Variants in CLCN3 observed in about 807,000 individuals in gnomAD.
CLCN3 encodes the protein Cl-/H+ antiporter 3, also known as H(+)/Cl(-) exchange transporter 3.
CLCN3 carries 16 observed loss-of-function variants against 83.4 expected under a neutral mutation model. The ratio of observed to expected loss-of-function variants is 0.19; its 90% CI spans 0.13 to 0.29. The LOEUF is 0.29. Among genes scored for constraint, CLCN3 ranks in the 10% least tolerant of loss-of-function variants. The pLI is 1.00. For missense variants in CLCN3, 544 were observed against 1,006.0 expected (o/e 0.54, Z 6.21); for synonymous variants, 322 against 346.2 (o/e 0.93, Z 0.78).
At chr4:169,668,030 C>T (rs867055973) in intron 2 of CLCN3, among the ~76,000 whole-genome samples, 33 of 148,308 alleles carry the variant, frequency 2.2e-4, no homozygotes, top group South Asian at 1.1e-3. Context: ...TGAGCCACCG[C>T]GCCCGGCCAG....
At chr4:169,708,961 C>T (rs1211938404) in intron 11 of CLCN3, among the ~76,000 whole-genome samples, 5 of 147,878 alleles carry the variant, frequency 3.4e-5, no homozygotes, top group East Asian at 1.9e-4. Flanking sequence ...TTTAAAATTA[C>T]ATATATATGT....
At chr4:169,683,276 C>G (rs1208683924) in intron 3 of CLCN3, among the ~76,000 whole-genome samples, 3 of 152,088 alleles carry the variant, frequency 2.0e-5, no homozygotes, top group African/African-American at 4.8e-5. Flanking sequence ...GGCAGAGGAT[C>G]GCTGGATCCC....
At chr4:169,686,180 G>A (rs1181020555) in intron 3 of CLCN3, among the ~76,000 whole-genome samples, 3 of 152,034 alleles carry the variant, frequency 2.0e-5, no homozygotes, top group Admixed American at 6.6e-5. Context: ...TTGTGGGGTC[G>A]GGGAGTGGGG....
At position 169,682,633 on chromosome 4, in the gene CLCN3, A is replaced by G. The variant is rs1308763385; in HGVS notation, c.318+2426A>G. ...TGTAGTTATGCATAGTTCCTTATGC[A>G]TGGTTCTTATTTCATCACACAAAAT... On this transcript the variant is annotated intron_variant, in intron 3 of 12. Transcript: ENST00000513761. Among the ~76,000 whole-genome samples the G allele has an allele frequency of 2.0e-5, 3 of 152,212 alleles. No homozygotes were observed. In the South Asian group the frequency reaches 6.2e-4, roughly 31 times the overall value.
intron 11 of CLCN3, among the ~76,000 whole-genome samples, chr4:169,708,433 A>G (rs1390625520): frequency 6.6e-6 from 1 of 152,158 alleles, no homozygotes; most frequent in East Asian, 1.9e-4. Flanking sequence ...TACTTAGCTA[A>G]TACAATAGTA....
At chr4:169,716,479 C>T (rs898356954) in intron 12 of CLCN3, among the ~76,000 whole-genome samples, 5 of 151,802 alleles carry the variant, frequency 3.3e-5, no homozygotes, top group Admixed American at 3.3e-4. Context: ...TTCACATTTC[C>T]TGACTACAAC....
chr4:169,631,307 G>A (rs1472217264), intron 1 of CLCN3, among the ~76,000 whole-genome samples: 2 of 152,112 alleles, frequency 1.3e-5, no homozygotes, highest in Non-Finnish European at 2.9e-5. Flanking sequence ...TGTTGGAGAC[G>A]GAGTCTTGCT....
chr4:169,701,177 T>C (rs1732771886), intron 9 of CLCN3, among the ~76,000 whole-genome samples: 1 of 152,266 alleles, frequency 6.6e-6, no homozygotes, highest in African/African-American at 2.4e-5. Flanking sequence ...TTTGTCCTTT[T>C]AACAATGTTC....
intron 10 of CLCN3, among the ~76,000 whole-genome samples, chr4:169,704,580 G>A (rs1732918839): frequency 6.6e-6 from 1 of 152,192 alleles, no homozygotes; most frequent in African/African-American, 2.4e-5. Context: ...GAGTTTCAGA[G>A]TAGGTTTACT....
chr4:169,649,496 G>A (rs1730673385), intron 2 of CLCN3, among the ~76,000 whole-genome samples: 1 of 152,190 alleles, frequency 6.6e-6, no homozygotes, highest in Admixed American at 6.5e-5. Context: ...AGGACTATAG[G>A]TAGTGATAGA....
chr4:169,707,469 G>A (rs1733038242), intron 11 of CLCN3, among the ~76,000 whole-genome samples: 1 of 152,064 alleles, frequency 6.6e-6, no homozygotes, highest in Non-Finnish European at 1.5e-5. Flanking sequence ...CTGTATTTCA[G>A]TTTTGTCTTT....
intron 1 of CLCN3, among the ~76,000 whole-genome samples, chr4:169,624,141 A>G (rs1286407316): frequency 6.6e-6 from 1 of 152,080 alleles, no homozygotes; most frequent in East Asian, 1.9e-4. Context: ...TATAGTAGTG[A>G]CTTTTTTTTT....
chr4:169,670,398 T>C (rs534853508), intron 2 of CLCN3, among the ~76,000 whole-genome samples: 1 of 152,330 alleles, frequency 6.6e-6, no homozygotes, highest in South Asian at 2.1e-4. Flanking sequence ...CTTGTTTTTG[T>C]CAAGTTTGCT....
At chr4:169,655,917 A>G (rs979552688) in intron 2 of CLCN3, among the ~76,000 whole-genome samples, 2 of 152,222 alleles carry the variant, frequency 1.3e-5, no homozygotes, top group Non-Finnish European at 2.9e-5. Context: ...TTTATGAGGT[A>G]TGAATATTAT....
intron 1 of CLCN3, among the ~76,000 whole-genome samples, chr4:169,635,636 C>T (rs1011783257): frequency 2.6e-5 from 4 of 152,078 alleles, no homozygotes; most frequent in Non-Finnish European, 5.9e-5. Context: ...TGAGACAAAT[C>T]TATACATACA....
rs1015993360 is a variant in CLCN3, at chr4:169,721,181, T to A, written c.*1184T>A. On this transcript the variant is annotated 3_prime_UTR_variant, in exon 13 of 13. Coordinates refer to ENST00000513761, the MANE Select transcript of CLCN3 (RefSeq NM_001829.4). ...TTTCTTAAAAATTTACCATTCTTATTTATATTTTTATGGATTAAAATTTAT... is the reference window on the plus strand; with the variant it reads ...TTTCTTAAAAATTTACCATTCTTATATATATTTTTATGGATTAAAATTTAT... 1 of 152,214 alleles carries A rather than the reference T, an allele frequency of 6.6e-6. No homozygotes were observed. The highest frequency in any genetic ancestry group is 6.5e-5 in the Admixed American group (1 of 15,278). The allele number at this position is 152,214 out of a possible 1,614,324, so 9.4% of individuals were successfully genotyped here. A position where few individuals can be genotyped will look rare whatever the true frequency, so the allele number is the denominator to read the frequency against.
intron 2 of CLCN3, among the ~76,000 whole-genome samples, chr4:169,644,259 T>C (rs1730506702): frequency 6.7e-6 from 1 of 149,618 alleles, no homozygotes; most frequent in Non-Finnish European, 1.5e-5. Flanking sequence ...TAACAACTGC[T>C]TTTTTTTTTC....
intron 2 of CLCN3, among the ~76,000 whole-genome samples, chr4:169,653,855 G>A (rs1393945398): frequency 6.6e-6 from 1 of 151,938 alleles, no homozygotes; most frequent in Non-Finnish European, 1.5e-5. Context: ...AACTAACAGA[G>A]CAAGAACTCA....
intron 3 of CLCN3, among the ~76,000 whole-genome samples, chr4:169,686,200 A>G (rs1290330571): frequency 6.6e-6 from 1 of 152,106 alleles, no homozygotes. Context: ...GAGGGATAGC[A>G]TTAGGAGATA....
Sources: allele counts gnomAD v4.1 joint callset (sites outside exome capture counted in the v4.1 genomes callset), GRCh38; gene constraint gnomAD v4.1.1; transcripts MANE v1.5; gene names NCBI Gene and HGNC (gene_info 2026-07-23, HGNC 2026-07-21).